The following AFDN variants were observed in gnomAD, a reference collection of about 807,000 sequenced individuals.
AFDN encodes the protein afadin, adherens junction formation factor.
A neutral mutation model predicts 216.6 loss-of-function variants in AFDN; 68 were observed. The observed-to-expected ratio is 0.31, with a 90% CI of 0.26 to 0.38. The LOEUF is 0.38. Ranked by LOEUF, AFDN falls within the 10% of genes least tolerant of loss-of-function variation. AFDN has a pLI of 1.00. For synonymous variants in AFDN, 868 were observed against 853.7 expected (o/e 1.02, Z -0.29); for missense variants, 2,136 against 2,342.0 (o/e 0.91, Z 1.82).
chr6:167,912,659 T>C (rs574656457), intron 15 of AFDN, among the ~76,000 whole-genome samples: 2 of 152,362 alleles, frequency 1.3e-5, no homozygotes, highest in East Asian at 1.9e-4. Flanking sequence ...TCTTCTATCA[T>C]GTTTGGACTT....
intron 1 of AFDN, among the ~76,000 whole-genome samples, chr6:167,836,590 T>C (rs1780465021): frequency 6.6e-6 from 1 of 152,232 alleles, no homozygotes; most frequent in East Asian, 1.9e-4. Flanking sequence ...ATATTTAAGA[T>C]TAGCATCACT....
At chr6:167,961,482 C>T (rs1432513932) in intron 30 of AFDN, among the ~76,000 whole-genome samples, 1 of 152,058 alleles carries the variant, frequency 6.6e-6, no homozygotes, top group East Asian at 1.9e-4. Flanking sequence ...GTATTTTCAA[C>T]CTATAGTGCA....
rs746455599 is a variant in AFDN at position 167,915,148 on chromosome 6, C to A, written c.2300-20C>A. On this transcript the variant is annotated intron_variant, in intron 18 of 33. Transcript: ENST00000683244. The stretch of plus-strand genomic sequence containing the variant: ...TGGATGACATTTTGCTCCTCTTGTC[C>A]TCTCACCCTGTCTGGGCAGATGATG... 6 of 1,612,448 alleles carry A rather than the reference C, an allele frequency of 3.7e-6. No homozygotes were observed. In the South Asian group the frequency reaches 5.5e-5, roughly 15 times the overall value.
rs776894262 is a variant in AFDN at position 167,943,385 on chromosome 6, C to G, written c.3166-17C>G. On this transcript the variant is annotated splice_polypyrimidine_tract_variant and intron_variant, in intron 24 of 33. Transcript: ENST00000683244. ...TCTCTACCCCTAATCCATGCACACA[C>G]CTGTGGATTTGCCTAGGATGGACGT... 1.9e-6 allele frequency: 3 copies of G among 1,611,668 alleles called. No individual in the cohort carries two copies. Among genetic ancestry groups the G allele is most frequent in the Non-Finnish European group, 2.5e-6 (3 of 1,177,844 alleles).
At chr6:167,920,419 G>T (rs909277786) in intron 21 of AFDN, among the ~76,000 whole-genome samples, 7 of 152,184 alleles carry the variant, frequency 4.6e-5, no homozygotes, top group African/African-American at 1.7e-4. Context: ...CCACGGGACT[G>T]CTGAGAAGTA....
At chr6:167,882,230 A>G (rs1312736244) in intron 6 of AFDN, among the ~76,000 whole-genome samples, 1 of 152,130 alleles carries the variant, frequency 6.6e-6, no homozygotes, top group Non-Finnish European at 1.5e-5. Flanking sequence ...TATAAAGTAA[A>G]TAAGCGATAG....
intron 23 of AFDN, among the ~76,000 whole-genome samples, chr6:167,934,235 A>G (rs1793693805): frequency 3.9e-5 from 6 of 152,172 alleles, no homozygotes; most frequent in African/African-American, 1.4e-4. Flanking sequence ...TTTGTATTTT[A>G]TACAAAGCAT....
chr6:167,906,392 C>T (rs1355693782), intron 12 of AFDN, among the ~76,000 whole-genome samples: 8 of 152,194 alleles, frequency 5.3e-5, no homozygotes, highest in South Asian at 2.1e-4. Context: ...GCTGGAAAGA[C>T]GTACAGTACA....
chr6:167,871,123 C>T (rs977224639), intron 3 of AFDN, among the ~76,000 whole-genome samples: 1 of 151,118 alleles, frequency 6.6e-6, no homozygotes, highest in African/African-American at 2.4e-5. Flanking sequence ...CCGCCCCGCC[C>T]CCCAACAGAT....
At chr6:167,948,184 G>C in intron 28 of AFDN, 109 bp from the exon 29 acceptor site, 1 of 931,486 alleles carries the variant, frequency 1.1e-6, no homozygotes, top group Middle Eastern at 2.2e-4. Context: ...ACTTTTTAAT[G>C]CAGTATTTAA....
At chr6:167,892,500 A>C (rs1316701962) in intron 8 of AFDN, among the ~76,000 whole-genome samples, 1 of 152,172 alleles carries the variant, frequency 6.6e-6, no homozygotes, top group African/African-American at 2.4e-5. Context: ...TCCAAATCCA[A>C]ATTTTTGAGG....
Position 167,962,551 on chromosome 6 carries a change from G to C in AFDN, c.4952G>C (p.Arg1651Pro), listed in dbSNP as rs753068854. 6 of 1,613,988 alleles carry C rather than the reference G, an allele frequency of 3.7e-6. No individual in the cohort carries two copies. Among genetic ancestry groups the C allele is most frequent in the Non-Finnish European group, 5.1e-6 (6 of 1,179,886 alleles). ...RRRQEEERTK[R>P]DAEEKRRQEE... The stretch of plus-strand genomic sequence containing the variant: ...CGGCAGGAGGAGGAGCGAACAAAAC[G>C]AGACGCTGAAGAAAAGGTTATGGTC... The change falls in exon 31 of 34, where the codon CGA (arginine) becomes CCA (proline). Residue 1651 changes from arginine (R) to proline (P), a missense_variant. Physicochemically the swap from Arg to Pro is moderately radical, Grantham distance 103 (BLOSUM62 -2). Coordinates refer to ENST00000683244, the MANE Select transcript of AFDN (RefSeq NM_001386888.1). The surrounding 1 kb of genome is among the most constrained non-coding windows in gnomAD (Gnocchi z 5.2).
At chr6:167,872,951 C>CA (rs1211650655) in intron 4 of AFDN, among the ~76,000 whole-genome samples, 1 of 152,182 alleles carries the variant, frequency 6.6e-6, no homozygotes, top group African/African-American at 2.4e-5. Flanking sequence ...TTTACTATAA[C>CA]AAAAAGAGTC....
chr6:167,850,325 C>T (rs1156700863), intron 1 of AFDN, among the ~76,000 whole-genome samples: 1 of 152,036 alleles, frequency 6.6e-6, no homozygotes, highest in Non-Finnish European at 1.5e-5. Flanking sequence ...GAAAAAACTG[C>T]CTGTGTTTTA....
chr6:167,948,433 G>C lies in AFDN; in HGVS notation c.3786G>C (p.Lys1262Asn). 6.2e-7 allele frequency: 1 copy of C among 1,614,146 alleles called. No individual in the cohort carries two copies. Among genetic ancestry groups the C allele is most frequent in the Non-Finnish European group, 8.5e-7 (1 of 1,180,030 alleles). Residue 1262 changes from lysine to asparagine, a missense_variant, in exon 29 of 34, where the codon AAG (lysine) becomes AAC (asparagine). This residue lies in a region of AFDN where 981 missense variants were observed against 966.0 expected (regional missense o/e 1.02). Transcript: ENST00000683244. ...PQNQWPNYEEKPHMHTDSNHS... is the reference protein window; with the variant it reads ...PQNQWPNYEENPHMHTDSNHS... ...ACCAGTGGCCAAATTATGAGGAAAA[G>C]CCACATATGCACACAGATAGTAATC...
intron 14 of AFDN, 29 bp downstream of exon 14, chr6:167,911,191 G>T (rs961325589): frequency 1.2e-6 from 2 of 1,606,384 alleles, no homozygotes; most frequent in African/African-American, 2.7e-5. Flanking sequence ...CATTGTCAAT[G>T]AATTATTTCT....
intron 13 of AFDN, 120 bp downstream of exon 13, chr6:167,907,409 T>C: frequency 1.4e-6 from 1 of 735,614 alleles, no homozygotes; most frequent in Non-Finnish European, 2.3e-6. Context: ...TTAGCAATAA[T>C]ATTTTAAGGG....
At position 167,962,550 on chromosome 6, in the gene AFDN, C is replaced by G; in HGVS notation, c.4951C>G (p.Arg1651Gly). 1 of 1,613,830 alleles carries G rather than the reference C, an allele frequency of 6.2e-7. No homozygotes were observed. Among genetic ancestry groups the G allele is most frequent in the East Asian group, 2.2e-5 (1 of 44,868 alleles). ...RRRQEEERTK[R>G]DAEEKRRQEE... is the part of the protein sequence containing the mutation. ...GCGGCAGGAGGAGGAGCGAACAAAA[C>G]GAGACGCTGAAGAAAAGGTTATGGT... The change falls in exon 31 of 34, where the codon CGA becomes GGA. Residue 1651 changes from arginine to glycine, a missense_variant. Around this residue, in one of 8 missense-constraint regions of AFDN, gnomAD observed 981 missense variants for 966.0 expected, o/e 1.02. Coordinates refer to ENST00000683244, the MANE Select transcript of AFDN (RefSeq NM_001386888.1). The surrounding 1 kb of genome is among the most constrained non-coding windows in gnomAD (Gnocchi z 5.2).
intron 2 of AFDN, among the ~76,000 whole-genome samples, chr6:167,867,938 G>A (rs1237410621): frequency 2.0e-5 from 3 of 152,130 alleles, no homozygotes; most frequent in African/African-American, 4.8e-5. Flanking sequence ...TTTTGGCATA[G>A]CATTGAAAGT....
Sources: gnomAD v4.1 joint callset for allele counts (sites outside exome capture counted in the v4.1 genomes callset) on GRCh38, gnomAD v4.1.1 for gene constraint, gnomAD v4.1.1 regional missense constraint, Gnocchi (gnomAD v3.1) non-coding constraint, MANE v1.5 for transcripts, NCBI Gene and HGNC (gene_info 2026-07-23, HGNC 2026-07-21) for gene names.